Variants in CFAP61 observed in about 807,000 individuals in gnomAD.
The protein encoded by CFAP61 is cilia and flagella associated protein 61, also known as cilia- and flagella-associated protein 61.
CFAP61 carries 107 observed loss-of-function variants against 135.6 expected under a neutral mutation model. The ratio of observed to expected loss-of-function variants is 0.79; its 90% CI spans 0.67 to 0.93. The LOEUF (loss-of-function observed/expected upper bound fraction) is 0.93, where lower values mean the gene tolerates loss of function less well. Among genes scored for constraint, CFAP61 ranks in the 40% least tolerant of loss-of-function variants. The pLI is 0.00. For synonymous variants in CFAP61, 575 were observed against 578.5 expected, an observed-to-expected ratio of 0.99 and a Z score of 0.09; for missense variants, 1,507 against 1,556.2, an observed-to-expected ratio of 0.97 and a Z score of 0.53.
intron 2 of CFAP61, among the ~76,000 whole-genome samples, chr20:20,064,019 C>A: frequency 7.0e-6 from 1 of 142,826 alleles, no homozygotes. Context: ...TTAAGGAAAG[C>A]CTAAATAGAG....
chr20:20,329,955 C>T (rs954180948), intron 25 of CFAP61, among the ~76,000 whole-genome samples: 2 of 152,234 alleles, frequency 1.3e-5, no homozygotes, highest in African/African-American at 4.8e-5. Flanking sequence ...TGTCCGTCAT[C>T]TCTTGCTGTC....
intron 25 of CFAP61, among the ~76,000 whole-genome samples, chr20:20,334,908 A>G (rs898278491): frequency 3.9e-5 from 6 of 152,176 alleles, no homozygotes; most frequent in Non-Finnish European, 5.9e-5. Context: ...TGCTCGTGTC[A>G]TGGGGTCTCA....
chr20:20,131,048 T>A (rs2050486482), intron 8 of CFAP61, among the ~76,000 whole-genome samples: 2 of 151,820 alleles, frequency 1.3e-5, no homozygotes, highest in South Asian at 4.1e-4. Flanking sequence ...AGGGAAATTT[T>A]CCATACACTT....
chr20:20,345,883 CTTTTTTTTTTTTTTTT>C lies in CFAP61; in HGVS notation c.3513+3976_3513+3991del, dbSNP rs756813997. ...GTTGTATTTAGCTGAGATTGTGCCA[CTTTTTTTTTTTTTTTT>C]TTTTTTTTTTTTTGAGACGGAGTCT... On this transcript the variant is annotated intron_variant, in intron 26 of 26. Coordinates refer to ENST00000245957, the MANE Select transcript of CFAP61 (RefSeq NM_015585.4). Among the ~76,000 whole-genome samples, 4 of 50,462 alleles carry C rather than the reference CTTTTTTTTTTTTTTTT, an allele frequency of 7.9e-5. No homozygotes were observed. The South Asian group carries it at 6.1e-3, about 77-fold the overall frequency. 33.1% of individuals were successfully genotyped at this position (50,462 alleles called of 152,430 possible).
At chr20:20,277,809 C>T (rs1555947951) in intron 22 of CFAP61, among the ~76,000 whole-genome samples, 1 of 152,168 alleles carries the variant, frequency 6.6e-6, no homozygotes, top group Non-Finnish European at 1.5e-5. Flanking sequence ...CATAGTCACT[C>T]ACATGTCTGG....
rs562102748 is a variant in CFAP61, at chr20:20,331,373, C to CA, written c.3423-10450dup. Among the ~76,000 whole-genome samples the CA allele has an allele frequency of 3.9e-4, 46 of 118,014 alleles. 1 individual carries two copies. The South Asian group carries it at 7.9e-3, about 20-fold the overall frequency. 77.4% of individuals were successfully genotyped at this position (118,014 alleles called of 152,430 possible). A position where few individuals can be genotyped will look rare whatever the true frequency, so the allele number is the denominator to read the frequency against. The stretch of plus-strand genomic sequence containing the variant: ...CACAACCCTGAAATCCTAAGAGTGA[C>CA]AAAAAAAAGTGAAGAAACAGTTTGT... On this transcript the variant is annotated intron_variant, in intron 25 of 26. Coordinates refer to ENST00000245957, the MANE Select transcript of CFAP61 (RefSeq NM_015585.4).
chr20:20,166,556 A>G, intron 12 of CFAP61, 120 bp downstream of exon 12: 1 of 763,946 alleles, frequency 1.3e-6, no homozygotes, highest in Non-Finnish European at 2.2e-6. Context: ...GAATAAGGTC[A>G]AATGGCATGT....
chr20:20,164,657 G>C (rs1216937747), intron 11 of CFAP61, among the ~76,000 whole-genome samples: 2 of 152,022 alleles, frequency 1.3e-5, no homozygotes, highest in African/African-American at 4.8e-5. Flanking sequence ...CTGGTGGTGA[G>C]ACTGTTTTAA....
intron 21 of CFAP61, among the ~76,000 whole-genome samples, chr20:20,272,340 T>C (rs1027660466): frequency 4.6e-5 from 7 of 152,198 alleles, no homozygotes; most frequent in African/African-American, 1.7e-4. Flanking sequence ...CTCAGGAGGC[T>C]GAAGCATGCC....
At chr20:20,098,951 G>C (rs1490686274) in intron 8 of CFAP61, 137 bp downstream of exon 8, 1 of 753,622 alleles carries the variant, frequency 1.3e-6, no homozygotes, top group African/African-American at 1.8e-5. Flanking sequence ...TAGTTCCCAT[G>C]GTTGGTCACA....
chr20:20,246,232 C>T lies in CFAP61; in HGVS notation c.2159+17C>T. ...AGCCAGCGAGTATGAATTGTATTTG[C>T]TTTTTCATTCTGAGGCCTAAATGTC... is the stretch of plus-strand genomic sequence containing the variant. On this transcript the variant is annotated intron_variant, in intron 19 of 26. Transcript: ENST00000245957. The T allele has an allele frequency of 1.0e-5, 15 of 1,498,366 alleles. No homozygotes were observed. Among genetic ancestry groups the T allele is most frequent in the Non-Finnish European group, 1.4e-5 (15 of 1,074,764 alleles). 92.8% of individuals were successfully genotyped at this position (1,498,366 alleles called of 1,614,324 possible). A position where few individuals can be genotyped will look rare whatever the true frequency, so the allele number is the denominator to read the frequency against.
At chr20:20,145,080 C>T (rs921046450) in intron 9 of CFAP61, among the ~76,000 whole-genome samples, 13 of 152,062 alleles carry the variant, frequency 8.5e-5, no homozygotes, top group Non-Finnish European at 1.5e-4. Flanking sequence ...AAATTTGGCT[C>T]TACACAAAGA....
At chr20:20,213,082 G>C (rs963513050) in intron 17 of CFAP61, among the ~76,000 whole-genome samples, 1 of 152,128 alleles carries the variant, frequency 6.6e-6, no homozygotes, top group African/African-American at 2.4e-5. Context: ...AGAACACAGA[G>C]GTGGCATGTG....
At chr20:20,165,801 G>A (rs1239508896) in intron 11 of CFAP61, among the ~76,000 whole-genome samples, 1 of 152,042 alleles carries the variant, frequency 6.6e-6, no homozygotes, top group Non-Finnish European at 1.5e-5. Flanking sequence ...TTTTCATCTC[G>A]AGTTTTTAGC....
At chr20:20,147,745 GT>G (rs1177022333) in intron 9 of CFAP61, among the ~76,000 whole-genome samples, 1 of 151,946 alleles carries the variant, frequency 6.6e-6, no homozygotes, top group Non-Finnish European at 1.5e-5. Flanking sequence ...TTTTAGTTTA[GT>G]TAGGTCCAAT....
At chr20:20,079,843 C>G (rs895281575) in intron 6 of CFAP61, among the ~76,000 whole-genome samples, 2 of 152,166 alleles carry the variant, frequency 1.3e-5, no homozygotes, top group Non-Finnish European at 2.9e-5. Context: ...TATGAAATGA[C>G]ATTTTTAATT....
chr20:20,056,674 A>G lies in CFAP61; in HGVS notation c.21A>G (p.Pro7=), dbSNP rs746524361. The G allele has an allele frequency of 1.2e-6, 2 of 1,614,116 alleles. No individual in the cohort carries two copies. The highest frequency in any genetic ancestry group is 1.1e-5 in the South Asian group (1 of 91,082). Residue 7 remains proline, a synonymous_variant, in exon 2 of 27, where the codon CCA becomes CCG. Coordinates refer to ENST00000245957, the MANE Select transcript of CFAP61 (RefSeq NM_015585.4). MSVLTS[P]RGKVEVVHCR... is the part of the protein sequence containing the mutation. Reference sequence around the variant, plus strand: ...AAAAAATGTCAGTACTCACTTCTCCAAGAGGAAAGGTAGAAGTTGTTCATT... The same window carrying G: ...AAAAAATGTCAGTACTCACTTCTCCGAGAGGAAAGGTAGAAGTTGTTCATT...
chr20:20,184,014 C>T (rs1242529509), intron 13 of CFAP61, among the ~76,000 whole-genome samples: 5 of 152,162 alleles, frequency 3.3e-5, no homozygotes, highest in East Asian at 1.9e-4. Flanking sequence ...ACTGGTGAAA[C>T]GATGTTTGCA....
intron 21 of CFAP61, among the ~76,000 whole-genome samples, chr20:20,266,957 T>TA (rs1317149290): frequency 1.3e-5 from 2 of 152,362 alleles, no homozygotes; most frequent in South Asian, 2.1e-4. Flanking sequence ...GCATTGCTCT[T>TA]ACTTCTATGT....
Sources: gnomAD v4.1 joint callset for allele counts (sites outside exome capture counted in the v4.1 genomes callset) on GRCh38, gnomAD v4.1.1 for gene constraint, MANE v1.5 for transcripts, NCBI Gene and HGNC (gene_info 2026-07-23, HGNC 2026-07-21) for gene names.